The following TRO variants were observed in gnomAD, a reference collection of about 807,000 sequenced individuals.
TRO encodes MAGE superfamily protein.
Under a neutral mutation model 42.3 loss-of-function variants are expected in TRO, and 29 were observed. The observed-to-expected ratio is 0.68, with a 90% CI of 0.51 to 0.93. TRO has a LOEUF of 0.93. Among genes scored for constraint, TRO ranks in the 40% least tolerant of loss-of-function variants. The pLI, the probability that TRO is intolerant of heterozygous loss-of-function variation, is 0.00. For missense variants in TRO, 963 were observed against 1,127.7 expected, an observed-to-expected ratio of 0.85 and a Z score of 2.09; for synonymous variants, 384 against 425.2, an observed-to-expected ratio of 0.90 and a Z score of 1.19.
intron 7 of TRO, 127 bp from the exon 8 acceptor site, chrX:54,926,283 G>T: frequency 1.6e-6 from 1 of 634,835 alleles, no homozygotes. Context: ...TTCTGTATCT[G>T]AGGAATCTGG....
At chrX:54,921,891 G>A (rs758525126) in intron 1 of TRO, 167 of 184,606 alleles carry the variant, frequency 9.0e-4, no homozygotes, top group Non-Finnish European at 1.5e-3. Context: ...CAAGGCGCAT[G>A]CGCGCGGAGG....
rs761568123 is a variant in TRO at position 54,923,778 on chromosome X, C to T, written c.1236+10C>T. The T allele has an allele frequency of 6.8e-6, 8 of 1,178,045 alleles. No homozygotes were observed. The Admixed American group carries it at 1.7e-4, about 25-fold the overall frequency. ...CAAAAGAAACCGAAAGGTGAGATCTCTGACATTGCCATCCTTAACTTTGTG... is the reference window on the plus strand; with the variant it reads ...CAAAAGAAACCGAAAGGTGAGATCTTTGACATTGCCATCCTTAACTTTGTG... On this transcript the variant is annotated intron_variant, in intron 3 of 12. Transcript: ENST00000173898.
chrX:54,925,508 A>T (rs1191380574), intron 6 of TRO, 84 bp from the exon 7 acceptor site: 1 of 798,921 alleles, frequency 1.3e-6, no homozygotes, highest in Non-Finnish European at 1.8e-6. Context: ...CCCTAAGTAC[A>T]CTGGGAGTTT....
At position 54,923,162 on chromosome X, in the gene TRO, G is replaced by A. The variant is rs1036496267; in HGVS notation, c.630G>A (p.Lys210=). The A allele has an allele frequency of 5.8e-6, 7 of 1,211,679 alleles. No individual in the cohort carries two copies. The highest frequency in any genetic ancestry group is 7.8e-6 in the Non-Finnish European group (7 of 895,507). ...CTAAGAAAGCTTCCAAGGCTAAGAA[G>A]GCTGCAAATAAGGCCATAGCTAGTG... The part of the protein sequence containing the change: ...IKPKKASKAK[K]AANKAIASAT... Residue 210 remains lysine, a synonymous_variant, in exon 3 of 13, where the codon AAG becomes AAA. Coordinates refer to ENST00000173898, the MANE Select transcript of TRO (RefSeq NM_001039705.3).
At position 54,930,041 on chromosome X, in the gene TRO, G is replaced by A. The variant is rs767025330; in HGVS notation, c.3317G>A (p.Ser1106Asn). 2 of 1,211,980 alleles carry A rather than the reference G, an allele frequency of 1.7e-6. No individual in the cohort carries two copies. The highest frequency in any genetic ancestry group is 2.2e-6 in the Non-Finnish European group (2 of 895,485). Reference sequence around the variant, plus strand: ...GGCTTTGGCGGTGCATTTAGCACCAGTGCTGGCTTCGGTGGGGCACTTAGT... The same window carrying A: ...GGCTTTGGCGGTGCATTTAGCACCAATGCTGGCTTCGGTGGGGCACTTAGT... ...NPGFGGAFSTSAGFGGALSTA... is the reference protein window; with the variant it reads ...NPGFGGAFSTNAGFGGALSTA... Residue 1106 changes from serine (S) to asparagine (N), a missense_variant, in exon 12 of 13, where the codon AGT becomes AAT. Around this residue, in one of 2 missense-constraint regions of TRO, gnomAD observed 641 missense variants for 811.3 expected, o/e 0.79. Coordinates refer to ENST00000173898, the MANE Select transcript of TRO (RefSeq NM_001039705.3).
rs758795759 is a variant in TRO, at chrX:54,930,104, T to C, written c.3380T>C (p.Ile1127Thr). Residue 1127 changes from isoleucine to threonine, a missense_variant, in exon 12 of 13, where the codon ATT (isoleucine) becomes ACT (threonine). Around this residue, in one of 2 missense-constraint regions of TRO, gnomAD observed 641 missense variants for 811.3 expected, o/e 0.79. Transcript: ENST00000173898. ...ADFGGTPSNS[I>T]GFGAAPSTSV... is the part of the protein sequence containing the mutation. ...TTCGGTGGTACTCCCAGCAACAGCA[T>C]TGGCTTTGGTGCTGCTCCCAGCACC... 5.8e-6 allele frequency: 7 copies of C among 1,206,973 alleles called. No individual in the cohort carries two copies. Among genetic ancestry groups the C allele is most frequent in the Admixed American group, 4.4e-5 (2 of 45,631 alleles).
Position 54,929,014 on chromosome X carries a change from A to G in TRO, c.2290A>G (p.Ser764Gly). The G allele has an allele frequency of 8.2e-7, 1 of 1,212,428 alleles. No homozygotes were observed. Among genetic ancestry groups the G allele is most frequent in the Admixed American group, 2.2e-5 (1 of 46,124 alleles). The change falls in exon 12 of 13, where the codon AGC becomes GGC. Residue 764 changes from serine to glycine, a missense_variant. Ser to Gly is a moderately conservative substitution (Grantham distance 56). Coordinates refer to ENST00000173898, the MANE Select transcript of TRO (RefSeq NM_001039705.3). ...TGGCATTACCTTTGGTGTTGCACCC[A>G]GCACCAGTGCCAGCTTCAGCAATAC... is the stretch of plus-strand genomic sequence containing the variant. The part of the protein sequence containing the change: ...GPGITFGVAP[S>G]TSASFSNTAS...
At chrX:54,926,862 T>C (rs1932784400) in intron 9 of TRO, 181 bp from the exon 10 acceptor site, 1 of 624,841 alleles carries the variant, frequency 1.6e-6, no homozygotes, top group Non-Finnish European at 2.4e-6. Context: ...CCTTCAGGGA[T>C]CCCTGACAAA....
intron 6 of TRO, 58 bp downstream of exon 6, chrX:54,925,126 CAT>C: frequency 1.2e-5 from 12 of 1,043,385 alleles, no homozygotes; most frequent in Non-Finnish European, 1.6e-5. Context: ...CGAGCAAAGA[CAT>C]ACATGTCCCT....
rs1054578359 is a variant in TRO at position 54,929,581 on chromosome X, C to T, written c.2857C>T (p.Leu953=). 5.0e-6 allele frequency: 6 copies of T among 1,211,642 alleles called. No homozygotes were observed. The South Asian group carries it at 8.8e-5, about 18-fold the overall frequency. ...CACCAGTGCCAATTTTGGTGGTACA[C>T]TAAGTACCAGCATCTGCTTTGATGG... ...SSTSANFGGT[L]STSICFDGSP... is the part of the protein sequence containing the mutation. Residue 953 remains leucine, a synonymous_variant, in exon 12 of 13, where the codon CTA becomes TTA. Coordinates refer to ENST00000173898, the MANE Select transcript of TRO (RefSeq NM_001039705.3).
At chrX:54,921,465 G>A (rs1932030215) in intron 1 of TRO, 1 of 110,084 alleles carries the variant, frequency 9.1e-6, no homozygotes, top group Non-Finnish European at 1.9e-5. Flanking sequence ...AGTTGGATTT[G>A]GGGGTGAGGT....
At chrX:54,922,427 G>A in intron 2 of TRO, 136 bp downstream of exon 2, 2 of 924,595 alleles carry the variant, frequency 2.2e-6, no homozygotes, top group East Asian at 3.4e-5. Context: ...TGGTGAAGGA[G>A]AGGAGAGGAA....
chrX:54,923,284 C>G lies in TRO; in HGVS notation c.752C>G (p.Ser251Cys). The change falls in exon 3 of 13, where the codon TCC (serine) becomes TGC (cysteine). Residue 251 changes from serine to cysteine, a missense_variant. Physicochemically the swap from Ser to Cys is moderately radical, Grantham distance 112. Transcript: ENST00000173898. Reference protein sequence around the residue: ...ETASIHTTAASIRTKKASKAR... With the variant: ...ETASIHTTAACIRTKKASKAR... ...GCCAGTATCCACACCACAGCAGCCT[C>G]CATCCGAACCAAGAAAGCCTCCAAA... 8.3e-7 allele frequency: 1 copy of G among 1,211,533 alleles called. No individual in the cohort carries two copies. The highest frequency in any genetic ancestry group is 1.1e-6 in the Non-Finnish European group (1 of 895,440).
At position 54,923,942 on chromosome X, in the gene TRO, G is replaced by C. The variant is rs1006591319; in HGVS notation, c.1236+174G>C. On this transcript the variant is annotated intron_variant, in intron 3 of 12. Transcript: ENST00000173898. Reference sequence around the variant, plus strand: ...AGTTTCTGCTCCCTAGCAGTTCACAGATTGGTGAGGAAATAAGACATCCAT... The same window carrying C: ...AGTTTCTGCTCCCTAGCAGTTCACACATTGGTGAGGAAATAAGACATCCAT... 8 of 497,958 alleles carry C rather than the reference G, an allele frequency of 1.6e-5. No individual in the cohort carries two copies. In the Admixed American group the frequency reaches 2.9e-4, roughly 18 times the overall value. 41.0% of individuals were successfully genotyped at this position (497,958 alleles called of 1,213,427 possible). A position where few individuals can be genotyped will look rare whatever the true frequency, so the allele number is the denominator to read the frequency against.
Position 54,931,187 on chromosome X carries a change from A to G in TRO, c.*12-17A>G. 1 of 1,209,859 alleles carries G rather than the reference A, an allele frequency of 8.3e-7. No individual in the cohort carries two copies. The highest frequency in any genetic ancestry group is 1.1e-6 in the Non-Finnish European group (1 of 894,290). Reference sequence around the variant, plus strand: ...GTATTTGGTGCTAAAATGTGTTCCTATTTGTTTTGTTTTCAGATTTATTCC... The same window carrying G: ...GTATTTGGTGCTAAAATGTGTTCCTGTTTGTTTTGTTTTCAGATTTATTCC... On this transcript the variant is annotated splice_polypyrimidine_tract_variant and intron_variant, in intron 12 of 12. Transcript: ENST00000173898.
chrX:54,922,036 T>C, intron 1 of TRO, 167 bp from the exon 2 acceptor site: 1 of 391,319 alleles, frequency 2.6e-6, no homozygotes, highest in Non-Finnish European at 4.4e-6. Flanking sequence ...ACTGACTCTC[T>C]CGGAGGCAAA....
In TRO at chrX:54,930,198, C is replaced by T. The variant is rs1036870451; in HGVS notation, c.3474C>T (p.Cys1158=). The T allele has an allele frequency of 2.5e-6, 3 of 1,211,278 alleles. No homozygotes were observed. Among genetic ancestry groups the T allele is most frequent in the Non-Finnish European group, 2.2e-6 (2 of 895,472 alleles). The change falls in exon 12 of 13, where the codon TGC becomes TGT. Residue 1158 remains cysteine (C), a synonymous_variant. Transcript: ENST00000173898. ...GTGGAGCTCCCAGCACCAGCCTCTG[C>T]TTTGGCAGTGCATCTAATACTAACC... ...CFGGAPSTSL[C]FGSASNTNLC...
chrX:54,924,690 C>T lies in TRO; in HGVS notation c.1362C>T (p.Tyr454=). 1 of 1,211,719 alleles carries T rather than the reference C, an allele frequency of 8.3e-7. No homozygotes were observed. Residue 454 remains tyrosine (Y), a synonymous_variant, in exon 5 of 13, where the codon TAC becomes TAT. Coordinates refer to ENST00000173898, the MANE Select transcript of TRO (RefSeq NM_001039705.3). ...LQERANKLVK[Y]LLVKDQTKIP... The stretch of plus-strand genomic sequence containing the variant: ...CCCAGGCTAATAAGTTGGTGAAATA[C>T]CTGTTGGTTAAGGACCAGACAAAGA...
intron 9 of TRO, 176 bp downstream of exon 9, chrX:54,926,801 G>A (rs1932781801): frequency 1.4e-6 from 1 of 733,529 alleles, no homozygotes; most frequent in Admixed American, 3.4e-5. Context: ...ACTCTCTGCT[G>A]TCTCTCTCCT....
Sources: gnomAD v4.1 joint callset for allele counts on GRCh38, gnomAD v4.1.1 for gene constraint, gnomAD v4.1.1 regional missense constraint, MANE v1.5 for transcripts, NCBI Gene and HGNC (gene_info 2026-07-23, HGNC 2026-07-21) for gene names.